NELL2: variants seen among roughly 807,000 people sequenced by gnomAD.
NELL2 encodes neural EGFL like 2.
A neutral mutation model predicts 109.6 loss-of-function variants in NELL2; 41 were observed. The observed-to-expected ratio is 0.37, with a 90% confidence interval of 0.29 to 0.49. The LOEUF is 0.49. NELL2 is among the 20% of genes least tolerant of loss of function. The pLI, the probability that NELL2 is intolerant of heterozygous loss-of-function variation, is 0.98. For synonymous variants in NELL2, 355 were observed against 344.7 expected, an observed-to-expected ratio of 1.03 and a Z score of -0.33; for missense variants, 900 against 1,008.3, an observed-to-expected ratio of 0.89 and a Z score of 1.45.
intron 13 of NELL2, among the ~76,000 whole-genome samples, chr12:44,619,075 G>A (rs1281719618): frequency 6.6e-6 from 1 of 152,266 alleles, no homozygotes; most frequent in East Asian, 1.9e-4. Context: ...AAGAGATGAG[G>A]ACTGACTGAA....
chr12:44,904,919 T>C (rs1433993966), intron 1 of NELL2, among the ~76,000 whole-genome samples: 2 of 152,056 alleles, frequency 1.3e-5, no homozygotes, highest in African/African-American at 4.8e-5. Flanking sequence ...AGGGATTTGG[T>C]TATTCTATCA....
chr12:44,858,351 G>T (rs1944741971), intron 2 of NELL2, among the ~76,000 whole-genome samples: 1 of 152,148 alleles, frequency 6.6e-6, no homozygotes, highest in Non-Finnish European at 1.5e-5. Flanking sequence ...TCAGAGCAGT[G>T]ATTTTTCAGA....
rs1262376867 is a variant in NELL2 at position 44,522,189 on chromosome 12, G to GA, written c.1999-14dup. 5 of 1,605,360 alleles carry GA rather than the reference G, an allele frequency of 3.1e-6. No homozygotes were observed. Among genetic ancestry groups the GA allele is most frequent in the Non-Finnish European group, 4.2e-6 (5 of 1,176,720 alleles). On this transcript the variant is annotated splice_polypyrimidine_tract_variant and intron_variant, in intron 17 of 19. Coordinates refer to ENST00000429094, the MANE Select transcript of NELL2 (RefSeq NM_001145108.2). ...TAACGAATCCATTCTGTATGAAAAA[G>GA]AAAAAAAGCAGTTACCAAAAACCTC...
At chr12:44,737,516 G>A (rs61054808) in intron 9 of NELL2, among the ~76,000 whole-genome samples, 40 of 151,548 alleles carry the variant, frequency 2.6e-4, no homozygotes, top group African/African-American at 7.3e-4. Context: ...ATTTTAATTC[G>A]AAATCATTTC....
At chr12:44,703,465 A>G (rs950914870) in intron 12 of NELL2, among the ~76,000 whole-genome samples, 4 of 152,206 alleles carry the variant, frequency 2.6e-5, no homozygotes, top group African/African-American at 4.8e-5. Context: ...TAATTATGAA[A>G]AAAAAGAAGG....
At chr12:44,783,149 G>A (rs1214989626) in intron 3 of NELL2, among the ~76,000 whole-genome samples, 1 of 151,444 alleles carries the variant, frequency 6.6e-6, no homozygotes, top group African/African-American at 2.4e-5. Context: ...GGTCAAAGAG[G>A]AAGGCTCAGG....
chr12:44,553,349 C>T (rs2136169528), intron 15 of NELL2, among the ~76,000 whole-genome samples: 1 of 151,630 alleles, frequency 6.6e-6, no homozygotes, highest in African/African-American at 2.4e-5. Flanking sequence ...CTAATATAAC[C>T]TTTGACCCTA....
chr12:44,756,650 T>A (rs1335303610), intron 9 of NELL2, among the ~76,000 whole-genome samples: 1 of 152,196 alleles, frequency 6.6e-6, no homozygotes, highest in East Asian at 1.9e-4. Context: ...CACCTTCTGC[T>A]ACCATGTATC....
At chr12:44,514,312 T>C (rs945836257) in intron 19 of NELL2, among the ~76,000 whole-genome samples, 1 of 151,854 alleles carries the variant, frequency 6.6e-6, no homozygotes, top group African/African-American at 2.4e-5. Flanking sequence ...GAGACTCCAA[T>C]ATGTAAGAAG....
intron 16 of NELL2, among the ~76,000 whole-genome samples, chr12:44,526,139 G>A (rs574890959): frequency 5.6e-4 from 85 of 151,534 alleles, no homozygotes; most frequent in African/African-American, 1.8e-3. Flanking sequence ...TCATTTTAGA[G>A]AAATGCAAAA....
At chr12:44,700,388 G>C (rs879336812) in intron 12 of NELL2, among the ~76,000 whole-genome samples, 3 of 152,064 alleles carry the variant, frequency 2.0e-5, no homozygotes, top group Non-Finnish European at 2.9e-5. Flanking sequence ...TTAATTAGCT[G>C]TCCCTTGTTC....
intron 13 of NELL2, among the ~76,000 whole-genome samples, chr12:44,626,273 G>A (rs1479634664): frequency 6.6e-6 from 1 of 152,124 alleles, no homozygotes; most frequent in Non-Finnish European, 1.5e-5. Flanking sequence ...CTGCAATGTA[G>A]TCATCTTCTG....
chr12:44,875,185 G>A lies in NELL2; in HGVS notation c.184+40C>T, dbSNP rs775784422. The A allele has an allele frequency of 5.7e-6, 9 of 1,590,612 alleles. 1 individual carries two copies. The South Asian group carries it at 9.0e-5, about 16-fold the overall frequency. ...AGAGCAACTCCTGCCGGGGTTATCG[G>A]AACTGAAATCACAGTGGGGATGCAG... On this transcript the variant is annotated intron_variant, in intron 2 of 19. Coordinates refer to ENST00000429094, the MANE Select transcript of NELL2 (RefSeq NM_001145108.2).
chr12:44,674,124 T>A (rs1464228390), intron 12 of NELL2, among the ~76,000 whole-genome samples: 2 of 152,154 alleles, frequency 1.3e-5, no homozygotes, highest in African/African-American at 2.4e-5. Flanking sequence ...AGCAACAGAC[T>A]TTTTTTAAAA....
At chr12:44,866,932 AG>A (rs1369394838) in intron 2 of NELL2, among the ~76,000 whole-genome samples, 1 of 152,144 alleles carries the variant, frequency 6.6e-6, no homozygotes, top group Non-Finnish European at 1.5e-5. Flanking sequence ...CAACTTACCA[AG>A]ACAAAATCAT....
intron 19 of NELL2, among the ~76,000 whole-genome samples, chr12:44,511,867 A>G (rs1007165090): frequency 1.3e-5 from 2 of 152,222 alleles, no homozygotes; most frequent in Admixed American, 1.3e-4. Flanking sequence ...AATACCTGCA[A>G]CTATAAAACT....
At position 44,538,372 on chromosome 12, in the gene NELL2, C is replaced by T. The variant is rs187040730; in HGVS notation, c.1664-5651G>A. Among the ~76,000 whole-genome samples, 3 of 152,190 alleles carry T rather than the reference C, an allele frequency of 2.0e-5. No homozygotes were observed. The East Asian group carries it at 5.8e-4, about 29-fold the overall frequency. ...CTCACAGGAGAAGCAGTAACTGGCT[C>T]GTAAGAGGTATCTAATATGTGCACA... On this transcript the variant is annotated intron_variant, in intron 15 of 19. Coordinates refer to ENST00000429094, the MANE Select transcript of NELL2 (RefSeq NM_001145108.2).
chr12:44,741,971 C>T (rs1024701516), intron 9 of NELL2, among the ~76,000 whole-genome samples: 40 of 152,238 alleles, frequency 2.6e-4, no homozygotes, highest in African/African-American at 8.9e-4. Flanking sequence ...AGTGGTTCTC[C>T]CAGCACACAG....
intron 2 of NELL2, among the ~76,000 whole-genome samples, chr12:44,836,765 TGCCGAAGTTTAG>T (rs1944066665): frequency 6.6e-6 from 1 of 152,216 alleles, no homozygotes. Flanking sequence ...GGGTCTACAA[TGCCGAAGTTTAG>T]ATGAGTGTTT....
Sources: gnomAD v4.1 joint callset for allele counts (sites outside exome capture counted in the v4.1 genomes callset) on GRCh38, gnomAD v4.1.1 for gene constraint, MANE v1.5 for transcripts, NCBI Gene and HGNC (gene_info 2026-07-23, HGNC 2026-07-21) for gene names.